The following CATSPERB variants were observed in gnomAD, a reference collection of about 807,000 sequenced individuals.
The protein encoded by CATSPERB is cation channel sperm-associated auxiliary subunit beta.
In CATSPERB, 93 loss-of-function variants were observed where a neutral mutation model predicts 128.3. The ratio of observed to expected loss-of-function variants is 0.72; its 90% CI spans 0.61 to 0.86. The LOEUF (loss-of-function observed/expected upper bound fraction) is 0.86. Among genes scored for constraint, CATSPERB ranks in the 40% least tolerant of loss-of-function variants. The pLI is 0.00. For missense variants in CATSPERB, 1,153 were observed against 1,329.5 expected (o/e 0.87, Z 2.06); for synonymous variants, 381 against 448.8 (o/e 0.85, Z 1.91).
At position 91,697,418 on chromosome 14, in the gene CATSPERB, AACAG is replaced by A. The variant is rs139989207; in HGVS notation, c.617-3943_617-3940del. Among the ~76,000 whole-genome samples, 1,413 of 152,298 alleles carry A rather than the reference AACAG, an allele frequency of 9.3e-3. 22 individuals carry two copies. The highest frequency in any genetic ancestry group is 0.032 in the African/African-American group (1,321 of 41,560). On this transcript the variant is annotated intron_variant, in intron 7 of 26. Transcript: ENST00000256343. The stretch of plus-strand genomic sequence containing the variant: ...AGAAATGTTGGAGTGTGAGTACTAG[AACAG>A]ACAAAGAATAAGAGGCAGTGGACAG...
At chr14:91,667,904 T>C (rs1566724738) in intron 14 of CATSPERB, among the ~76,000 whole-genome samples, 1 of 152,316 alleles carries the variant, frequency 6.6e-6, no homozygotes, top group East Asian at 1.9e-4. Context: ...GGCCCTGTAT[T>C]TTTAACCTCC....
At chr14:91,663,598 T>G (rs529896431) in intron 14 of CATSPERB, among the ~76,000 whole-genome samples, 154 of 131,740 alleles carry the variant, frequency 1.2e-3, no homozygotes, top group African/African-American at 4.4e-3. Context: ...TGAGCCGAGA[T>G]CGCACCACTG....
chr14:91,655,653 G>GA (rs554215186), intron 15 of CATSPERB, among the ~76,000 whole-genome samples: 2,092 of 151,734 alleles, frequency 0.014, 54 homozygotes, highest in African/African-American at 0.047. Context: ...GTAGATGAAA[G>GA]AAAAAAGAAT....
At chr14:91,608,690 T>C (rs1893762359) in intron 21 of CATSPERB, among the ~76,000 whole-genome samples, 1 of 152,226 alleles carries the variant, frequency 6.6e-6, no homozygotes, top group Admixed American at 6.5e-5. Context: ...TCATAGTTAG[T>C]AAATAATTCT....
Position 91,691,567 on chromosome 14 carries a change from GAAGAAACTTT to G in CATSPERB, c.832-22_832-13del. ...TCTGCCCTGGAAAACTAGAAGAAAA[GAAGAAACTTT>G]AATTTTTGCTTGCATATCAGAAGGC... is the stretch of plus-strand genomic sequence containing the variant. On this transcript the variant is annotated splice_polypyrimidine_tract_variant and intron_variant, in intron 9 of 26. Transcript: ENST00000256343. The G allele has an allele frequency of 6.3e-7, 1 of 1,597,584 alleles. No homozygotes were observed.
At position 91,731,678 on chromosome 14, in the gene CATSPERB, A is replaced by C. The variant is rs545371594; in HGVS notation, c.-1+252T>G. 9.8e-5 allele frequency among the ~76,000 whole-genome samples: 15 copies of C among 152,312 alleles called. No individual in the cohort carries two copies. In the South Asian group the frequency reaches 3.1e-3, roughly 32 times the overall value. On this transcript the variant is annotated intron_variant, in intron 1 of 26. Coordinates refer to ENST00000256343, the MANE Select transcript of CATSPERB (RefSeq NM_024764.4). ...ACACTCCCCTACTGACCTACTTAGC[A>C]GTTAAATTACCCCCAGTTATCATTC...
At chr14:91,664,240 A>T (rs1444607560) in intron 14 of CATSPERB, among the ~76,000 whole-genome samples, 1 of 141,270 alleles carries the variant, frequency 7.1e-6, no homozygotes, top group Non-Finnish European at 1.5e-5. Context: ...AGTAATATGC[A>T]TTTAAGCTTC....
chr14:91,585,734 T>C (rs1167147116), intron 26 of CATSPERB, among the ~76,000 whole-genome samples: 3 of 152,208 alleles, frequency 2.0e-5, no homozygotes, highest in African/African-American at 7.2e-5. Context: ...TGGTTGTTGA[T>C]ATGGTGAATA....
chr14:91,650,694 A>G (rs1158490639), intron 15 of CATSPERB, among the ~76,000 whole-genome samples: 2 of 150,730 alleles, frequency 1.3e-5, no homozygotes, highest in Non-Finnish European at 3.0e-5. Flanking sequence ...GTATTTATCC[A>G]TCCATCCATC....
At chr14:91,583,275 C>G (rs935480936) in intron 26 of CATSPERB, among the ~76,000 whole-genome samples, 18 of 152,124 alleles carry the variant, frequency 1.2e-4, no homozygotes, top group Non-Finnish European at 2.5e-4. Flanking sequence ...AAAATTTAGC[C>G]AGGCATGGTG....
chr14:91,593,542 C>G (rs1358047990), intron 22 of CATSPERB, among the ~76,000 whole-genome samples: 1 of 152,160 alleles, frequency 6.6e-6, no homozygotes, highest in East Asian at 1.9e-4. Context: ...TCCTATAACC[C>G]CTTGGTTTTG....
At chr14:91,609,992 A>T (rs550862832) in intron 21 of CATSPERB, among the ~76,000 whole-genome samples, 1 of 152,332 alleles carries the variant, frequency 6.6e-6, no homozygotes, top group South Asian at 2.1e-4. Flanking sequence ...AAGTGCTGGG[A>T]TTACAGGCGT....
At chr14:91,685,260 C>T (rs1227904553) in intron 10 of CATSPERB, among the ~76,000 whole-genome samples, 1 of 152,112 alleles carries the variant, frequency 6.6e-6, no homozygotes, top group African/African-American at 2.4e-5. Flanking sequence ...TACATTGTGC[C>T]ATGTACTGTA....
chr14:91,671,123 A>C (rs1215141821), intron 13 of CATSPERB, among the ~76,000 whole-genome samples: 1 of 152,244 alleles, frequency 6.6e-6, no homozygotes, highest in African/African-American at 2.4e-5. Context: ...CTGCTGGGAA[A>C]TGAGGCTGAC....
chr14:91,709,831 T>C (rs2139768604), intron 5 of CATSPERB: 1 of 152,208 alleles, frequency 6.6e-6, no homozygotes, highest in African/African-American at 2.4e-5. Flanking sequence ...AGAAAAATTA[T>C]GTGTTTGAGT....
rs1341932470 is a variant in CATSPERB at position 91,684,677 on chromosome 14, C to T, written c.865-734G>A. ...TTGCCCAGGCTGGAGTGCAGTAGCACAATTTCGGCTCACTACAAACTCCAC... is the reference window on the plus strand; with the variant it reads ...TTGCCCAGGCTGGAGTGCAGTAGCATAATTTCGGCTCACTACAAACTCCAC... On this transcript the variant is annotated intron_variant, in intron 10 of 26. Transcript: ENST00000256343. Among the ~76,000 whole-genome samples the T allele has an allele frequency of 2.5e-4, 36 of 144,400 alleles. No individual in the cohort carries two copies. The Admixed American group carries it at 2.6e-3, about 10-fold the overall frequency. The allele number at this position is 144,400 out of a possible 152,430, so 94.7% of individuals were successfully genotyped here.
chr14:91,607,282 A>G (rs1045714413), intron 22 of CATSPERB, among the ~76,000 whole-genome samples: 3 of 152,144 alleles, frequency 2.0e-5, no homozygotes, highest in African/African-American at 7.2e-5. Flanking sequence ...AACCGTAGTA[A>G]GCGATATGGA....
chr14:91,723,189 T>C lies in CATSPERB; in HGVS notation c.169A>G (p.Lys57Glu). The C allele has an allele frequency of 1.4e-6, 2 of 1,457,216 alleles. No homozygotes were observed. Among genetic ancestry groups the C allele is most frequent in the Non-Finnish European group, 1.8e-6 (2 of 1,107,880 alleles). The allele number at this position is 1,457,216 out of a possible 1,614,324, so 90.3% of individuals were successfully genotyped here. A position where few individuals can be genotyped will look rare whatever the true frequency, so the allele number is the denominator to read the frequency against. ...IKLYLFLENL[K>E]IQCFFQTENE... is the part of the protein sequence containing the mutation. ...TCAGTTTGGAAGAAACACTGGATTT[T>C]CTTTAGGAAAGCAAGAAAAAAAAAA... The change falls in exon 4 of 27, where the codon AAA (lysine) becomes GAA (glutamate). Residue 57 changes from lysine to glutamate, a missense_variant and splice_region_variant. Lys to Glu is a moderately conservative substitution (Grantham distance 56). Transcript: ENST00000256343.
chr14:91,640,101 T>C (rs529689465), intron 15 of CATSPERB, among the ~76,000 whole-genome samples: 152 of 152,282 alleles, frequency 1.0e-3, no homozygotes, highest in African/African-American at 3.4e-3. Context: ...CGATGTTGGT[T>C]AGGCCTCTCA....
Sources: gnomAD v4.1 joint callset for allele counts (sites outside exome capture counted in the v4.1 genomes callset) on GRCh38, gnomAD v4.1.1 for gene constraint, MANE v1.5 for transcripts, NCBI Gene and HGNC (gene_info 2026-07-23, HGNC 2026-07-21) for gene names.